Variants in DLG2 observed in about 807,000 individuals in gnomAD.
DLG2 encodes disks large homolog 2.
Under a neutral mutation model 132.5 loss-of-function variants are expected in DLG2, and 45 were observed. The ratio of observed to expected loss-of-function variants is 0.34; its 90% CI spans 0.27 to 0.44. The LOEUF (loss-of-function observed/expected upper bound fraction) is 0.44. Ranked by LOEUF, DLG2 falls within the 20% of genes least tolerant of loss-of-function variation. The pLI is 1.00. For missense variants in DLG2, 1,045 were observed against 1,196.9 expected, an observed-to-expected ratio of 0.87 and a Z score of 1.87; for synonymous variants, 424 against 419.6, an observed-to-expected ratio of 1.01 and a Z score of -0.13.
intron 9 of DLG2, among the ~76,000 whole-genome samples, chr11:84,132,015 G>C (rs2094442847): frequency 6.6e-6 from 1 of 151,448 alleles, no homozygotes; most frequent in Non-Finnish European, 1.5e-5. Flanking sequence ...AAGCACAAGA[G>C]AAAGATATTT....
chr11:84,482,509 A>G (rs1408254688), intron 7 of DLG2, among the ~76,000 whole-genome samples: 1 of 152,234 alleles, frequency 6.6e-6, no homozygotes, highest in Non-Finnish European at 1.5e-5. Context: ...CAAGCTCCTT[A>G]ACTTTGTATT....
chr11:85,284,234 A>T (rs1188032374), intron 4 of DLG2, among the ~76,000 whole-genome samples: 1 of 151,908 alleles, frequency 6.6e-6, no homozygotes, highest in Non-Finnish European at 1.5e-5. Flanking sequence ...GTATAATTTC[A>T]CAAGGTTGAT....
chr11:85,048,554 T>G (rs762742936), intron 6 of DLG2, among the ~76,000 whole-genome samples: 1 of 152,020 alleles, frequency 6.6e-6, no homozygotes, highest in Non-Finnish European at 1.5e-5. Context: ...TTTATATTGA[T>G]TATGTATCCA....
chr11:85,589,983 G>T (rs749411952), intron 3 of DLG2, among the ~76,000 whole-genome samples: 12 of 152,024 alleles, frequency 7.9e-5, no homozygotes, highest in African/African-American at 1.2e-4. Flanking sequence ...ATATGAATTT[G>T]ATCAGCTCAA....
At chr11:83,667,512 C>T (rs944327463) in intron 18 of DLG2, among the ~76,000 whole-genome samples, 1 of 152,188 alleles carries the variant, frequency 6.6e-6, no homozygotes, top group African/African-American at 2.4e-5. Flanking sequence ...TTCACAAATA[C>T]TCATTACCTG....
intron 6 of DLG2, among the ~76,000 whole-genome samples, chr11:84,548,475 C>T (rs1339810776): frequency 2.2e-4 from 31 of 140,962 alleles, no homozygotes; most frequent in Admixed American, 2.2e-3. Flanking sequence ...TGTTCCCCTT[C>T]CTGTGTCCAT....
intron 6 of DLG2, among the ~76,000 whole-genome samples, chr11:84,874,568 G>T (rs530785796): frequency 6.6e-6 from 1 of 152,134 alleles, no homozygotes; most frequent in African/African-American, 2.4e-5. Context: ...ACAAATTGTG[G>T]TAAGATTTAT....
intron 18 of DLG2, among the ~76,000 whole-genome samples, chr11:83,678,730 C>T (rs1215012009): frequency 1.3e-5 from 2 of 152,126 alleles, no homozygotes; most frequent in Non-Finnish European, 2.9e-5. Context: ...CCTACAGCCT[C>T]CTCTAAAGCC....
chr11:85,511,060 A>C (rs2094054446), intron 3 of DLG2, among the ~76,000 whole-genome samples: 1 of 152,124 alleles, frequency 6.6e-6, no homozygotes, highest in African/African-American at 2.4e-5. Flanking sequence ...TGATGAGTTC[A>C]TGTCCTTTGT....
At chr11:83,795,853 C>A (rs1447413329) in intron 17 of DLG2, among the ~76,000 whole-genome samples, 1 of 152,186 alleles carries the variant, frequency 6.6e-6, no homozygotes, top group Non-Finnish European at 1.5e-5. Context: ...TAGGCTGATT[C>A]AAACACATTC....
intron 7 of DLG2, among the ~76,000 whole-genome samples, chr11:84,252,987 C>T (rs1353919985): frequency 6.6e-6 from 1 of 152,120 alleles, no homozygotes; most frequent in Admixed American, 6.6e-5. Flanking sequence ...AGCAATCCAG[C>T]AGGTTTTACA....
chr11:84,995,675 T>C (rs1030715146), intron 6 of DLG2, among the ~76,000 whole-genome samples: 1 of 152,154 alleles, frequency 6.6e-6, no homozygotes, highest in Non-Finnish European at 1.5e-5. Context: ...CTTATTCATA[T>C]TATGGTTAGA....
In DLG2 at chr11:84,663,853, C is replaced by T. The variant is rs145028251; in HGVS notation, c.358-129122G>A. 2.3e-4 allele frequency among the ~76,000 whole-genome samples: 35 copies of T among 152,234 alleles called. 1 individual carries two copies. The East Asian group carries it at 6.4e-3, about 28-fold the overall frequency. ...CGACGATCTTTTACTTCAGCCAATT[C>T]CACTCCTGCTATTTTCCCTCTCTTC... is the stretch of plus-strand genomic sequence containing the variant. On this transcript the variant is annotated intron_variant, in intron 6 of 27. Coordinates refer to ENST00000376104, the MANE Select transcript of DLG2 (RefSeq NM_001142699.3).
chr11:84,191,875 T>C (rs1291779174), intron 8 of DLG2, among the ~76,000 whole-genome samples: 4 of 152,028 alleles, frequency 2.6e-5, no homozygotes, highest in African/African-American at 9.7e-5. Context: ...CTGTAATTTG[T>C]GTATAGAATC....
intron 7 of DLG2, among the ~76,000 whole-genome samples, chr11:84,298,894 A>T (rs2098122609): frequency 6.6e-6 from 1 of 152,324 alleles, no homozygotes; most frequent in African/African-American, 2.4e-5. Context: ...TTGGAGATGG[A>T]GCGGGAAATA....
At chr11:83,733,731 A>C (rs145706209) in intron 18 of DLG2, among the ~76,000 whole-genome samples, 1 of 152,282 alleles carries the variant, frequency 6.6e-6, no homozygotes, top group Non-Finnish European at 1.5e-5. Context: ...TCATCTAAGA[A>C]ATTTCCAAAT....
At chr11:85,594,389 T>C (rs1287436094) in intron 3 of DLG2, among the ~76,000 whole-genome samples, 1 of 152,186 alleles carries the variant, frequency 6.6e-6, no homozygotes, top group Non-Finnish European at 1.5e-5. Context: ...ATAAGCCCTT[T>C]TCTAAGATTT....
chr11:85,273,774 T>C (rs899527249), intron 4 of DLG2, among the ~76,000 whole-genome samples: 10 of 152,202 alleles, frequency 6.6e-5, no homozygotes, highest in Non-Finnish European at 1.3e-4. Context: ...CAAAGGATTA[T>C]AAATCATGCT....
intron 11 of DLG2, among the ~76,000 whole-genome samples, chr11:84,039,259 T>TG (rs1194937597): frequency 5.9e-5 from 9 of 151,580 alleles, no homozygotes; most frequent in Non-Finnish European, 8.8e-5. Context: ...AGGGTACATG[T>TG]GCACATTGTG....
Sources: gnomAD v4.1 joint callset for allele counts (sites outside exome capture counted in the v4.1 genomes callset) on GRCh38, gnomAD v4.1.1 for gene constraint, MANE v1.5 for transcripts, NCBI Gene and HGNC (gene_info 2026-07-23, HGNC 2026-07-21) for gene names.